Variants in ZSCAN25 observed in about 807,000 individuals in gnomAD.
ZSCAN25 encodes the protein zinc finger and SCAN domain-containing protein 25.
ZSCAN25 carries 27 observed loss-of-function variants against 38.7 expected under a neutral mutation model. The ratio of observed to expected loss-of-function variants is 0.70; its 90% CI spans 0.51 to 0.96. ZSCAN25 has a LOEUF of 0.96. Ranked by LOEUF, ZSCAN25 falls within the 40% of genes least tolerant of loss-of-function variation. The pLI, the probability that ZSCAN25 is intolerant of heterozygous loss-of-function variation, is 0.00. For synonymous variants in ZSCAN25, 273 were observed against 277.7 expected, an observed-to-expected ratio of 0.98 and a Z score of 0.17; for missense variants, 637 against 705.9, an observed-to-expected ratio of 0.90 and a Z score of 1.11.
the ZSCAN25 span, among the ~76,000 whole-genome samples, chr7:99,684,556 T>C: frequency 6.6e-6 from 1 of 152,336 alleles, no homozygotes; most frequent in Non-Finnish European, 1.5e-5. Context: ...AATAATCACA[T>C]TGGAGTTCTG....
At chr7:99,683,839 A>G in the ZSCAN25 span, among the ~76,000 whole-genome samples, 1 of 152,068 alleles carries the variant, frequency 6.6e-6, no homozygotes, top group African/African-American at 2.4e-5. Context: ...TTCTACCTTA[A>G]TGTGTGGCCA....
In ZSCAN25 at chr7:99,621,512, C is replaced by A; in HGVS notation, c.527C>A (p.Pro176Gln). ...PPGEGVQGPD[P>Q]GTEEQLSQDP... ...GGGGAAGGAGTTCAAGGTCCAGACC[C>A]AGGTACCGAGGAGCAGCTCAGTCAG... Residue 176 changes from proline to glutamine, a missense_variant, in exon 5 of 8, where the codon CCA (proline) becomes CAA (glutamine). Pro to Gln is a moderately conservative substitution (Grantham distance 76). Transcript: ENST00000394152. 6.4e-7 allele frequency: 1 copy of A among 1,566,148 alleles called. No individual in the cohort carries two copies. The highest frequency in any genetic ancestry group is 8.7e-7 in the Non-Finnish European group (1 of 1,149,798).
the ZSCAN25 span, among the ~76,000 whole-genome samples, chr7:99,641,224 A>G: frequency 6.6e-6 from 1 of 152,162 alleles, no homozygotes; most frequent in Admixed American, 6.5e-5. Flanking sequence ...AGGCCTCAGG[A>G]AACTTACAAT....
At chr7:99,656,730 A>T in the ZSCAN25 span, among the ~76,000 whole-genome samples, 1 of 152,134 alleles carries the variant, frequency 6.6e-6, no homozygotes, top group Admixed American at 6.5e-5. Context: ...TTTGGTTGGT[A>T]AGCTATTAAT....
the ZSCAN25 span, among the ~76,000 whole-genome samples, chr7:99,657,528 G>T: frequency 6.6e-6 from 1 of 152,208 alleles, no homozygotes; most frequent in Non-Finnish European, 1.5e-5. Flanking sequence ...TGGAATAGGT[G>T]TGGTGTGGTG....
chr7:99,706,200 C>A, the ZSCAN25 span, among the ~76,000 whole-genome samples: 1 of 152,176 alleles, frequency 6.6e-6, no homozygotes, highest in Non-Finnish European at 1.5e-5. Flanking sequence ...AGTGTTTTGA[C>A]TCAACTTTTC....
At chr7:99,673,280 A>G in the ZSCAN25 span, among the ~76,000 whole-genome samples, 7 of 152,290 alleles carry the variant, frequency 4.6e-5, no homozygotes, top group African/African-American at 1.4e-4. Flanking sequence ...AAGTACAAAG[A>G]GGCAAAGCTT....
the ZSCAN25 span, among the ~76,000 whole-genome samples, chr7:99,701,746 T>A: frequency 6.6e-6 from 1 of 152,262 alleles, no homozygotes; most frequent in Non-Finnish European, 1.5e-5. Context: ...TTTCTTCTTT[T>A]GAGAAATGTC....
chr7:99,729,529 CT>C, the ZSCAN25 span, among the ~76,000 whole-genome samples: 1 of 152,284 alleles, frequency 6.6e-6, no homozygotes, highest in South Asian at 2.1e-4. Flanking sequence ...GAGCCCAAGC[CT>C]GCACGTGTAC....
In ZSCAN25 at chr7:99,631,935, C is replaced by G; in HGVS notation, c.*1915C>G. 1.0e-6 allele frequency: 1 copy of G among 985,488 alleles called. No homozygotes were observed. Among genetic ancestry groups the G allele is most frequent in the Non-Finnish European group, 1.2e-6 (1 of 829,980 alleles). The allele number at this position is 985,488 out of a possible 1,614,324, so 61.0% of individuals were successfully genotyped here. ...TATCAGAGCAGCTAGGCAGGGCTGACAGCCAGGCAGACTCAGTGGGAGGCT... is the reference window on the plus strand; with the variant it reads ...TATCAGAGCAGCTAGGCAGGGCTGAGAGCCAGGCAGACTCAGTGGGAGGCT... On this transcript the variant is annotated 3_prime_UTR_variant, in exon 8 of 8. Transcript: ENST00000394152.
At chr7:99,676,719 T>C in the ZSCAN25 span, 2 of 486,870 alleles carry the variant, frequency 4.1e-6, no homozygotes. Context: ...TTATGCTTTT[T>C]CTTCCCTCTA....
chr7:99,629,443 G>A lies in ZSCAN25; in HGVS notation c.1058G>A (p.Cys353Tyr), dbSNP rs1185526692. Reference sequence around the variant, plus strand: ...TGGAAGCCTTTCCAGTGCCCTGAGTGTGGGAAAGGATTCAGTCGGAGCTCC... The same window carrying A: ...TGGAAGCCTTTCCAGTGCCCTGAGTATGGGAAAGGATTCAGTCGGAGCTCC... ...SFWKPFQCPE[C>Y]GKGFSRSSNL... Residue 353 changes from cysteine (C) to tyrosine (Y), a missense_variant, in exon 8 of 8, where the codon TGT becomes TAT. Cys to Tyr is a radical substitution (Grantham distance 194). Coordinates refer to ENST00000394152, the MANE Select transcript of ZSCAN25 (RefSeq NM_145115.3). The surrounding 1 kb of genome is among the most constrained non-coding windows in gnomAD (Gnocchi z 5.6). 11 of 1,614,242 alleles carry A rather than the reference G, an allele frequency of 6.8e-6. No individual in the cohort carries two copies. Among genetic ancestry groups the A allele is most frequent in the Non-Finnish European group, 8.5e-6 (10 of 1,180,036 alleles).
chr7:99,667,091 C>T, the ZSCAN25 span: 2 of 1,594,640 alleles, frequency 1.3e-6, no homozygotes, highest in Admixed American at 3.4e-5. Flanking sequence ...AACATTTTTT[C>T]TCACATTAGT....
chr7:99,673,614 C>T, the ZSCAN25 span, among the ~76,000 whole-genome samples: 1 of 152,180 alleles, frequency 6.6e-6, no homozygotes, highest in Non-Finnish European at 1.5e-5. Flanking sequence ...AGTGGTTTCC[C>T]AATCTGTTTC....
At chr7:99,698,426 A>G in the ZSCAN25 span, among the ~76,000 whole-genome samples, 1 of 152,146 alleles carries the variant, frequency 6.6e-6, no homozygotes, top group Non-Finnish European at 1.5e-5. Flanking sequence ...AGAGCTGAGG[A>G]ATATTTTCTT....
the ZSCAN25 span, among the ~76,000 whole-genome samples, chr7:99,667,974 T>C: frequency 1.3e-5 from 2 of 152,122 alleles, no homozygotes; most frequent in Non-Finnish European, 2.9e-5. Flanking sequence ...GGCATACAGA[T>C]TGGAAAGGAA....
At chr7:99,676,556 G>A in the ZSCAN25 span, 46 of 1,358,240 alleles carry the variant, frequency 3.4e-5, no homozygotes, top group South Asian at 4.2e-4. Context: ...TGGACTCTTC[G>A]CTGATTTGGG....
At chr7:99,681,195 C>T in the ZSCAN25 span, among the ~76,000 whole-genome samples, 1 of 152,196 alleles carries the variant, frequency 6.6e-6, no homozygotes, top group South Asian at 2.1e-4. Context: ...TTTCTTTATC[C>T]ATTCATCTGT....
chr7:99,675,610 CTCTCT>C, the ZSCAN25 span, among the ~76,000 whole-genome samples: 1 of 124,910 alleles, frequency 8.0e-6, no homozygotes, highest in Admixed American at 8.4e-5. Flanking sequence ...CTCTCCTCTC[CTCTCT>C]CCTCTCCTTT....
Sources: allele counts gnomAD v4.1 joint callset (sites outside exome capture counted in the v4.1 genomes callset), GRCh38; gene constraint gnomAD v4.1.1; non-coding constraint Gnocchi (gnomAD v3.1); transcripts MANE v1.5; gene names NCBI Gene and HGNC (gene_info 2026-07-23, HGNC 2026-07-21).